Variants in SLC20A1 observed in about 807,000 individuals in gnomAD.
The protein encoded by SLC20A1 is solute carrier family 20 member 1, also known as sodium-dependent phosphate transporter 1.
SLC20A1 carries 28 observed loss-of-function variants against 62.7 expected under a neutral mutation model. That is an observed-to-expected ratio of 0.45 (90% confidence interval 0.33 to 0.61). SLC20A1 has a LOEUF of 0.61. Among genes scored for constraint, SLC20A1 ranks in the 20% least tolerant of loss-of-function variants. SLC20A1 has a pLI of 0.02. For missense variants in SLC20A1, 673 were observed against 838.6 expected (o/e 0.80, Z 2.44); for synonymous variants, 305 against 302.9 (o/e 1.01, Z -0.07).
At chr2:112,660,830 T>G (rs143923500) in intron 9 of SLC20A1, 3 of 469,656 alleles carry the variant, frequency 6.4e-6, no homozygotes, top group Non-Finnish European at 1.1e-5. Flanking sequence ...CGGATAGTTA[T>G]GTATACTTGC....
rs778228755 is a variant in SLC20A1 at position 112,646,835 on chromosome 2, A to G, written c.7A>G (p.Thr3Ala). 6 of 1,604,902 alleles carry G rather than the reference A, an allele frequency of 3.7e-6. No individual in the cohort carries two copies. Among genetic ancestry groups the G allele is most frequent in the Admixed American group, 3.4e-5 (2 of 59,142 alleles). MA[T>A]LITSTTAATA... ...ACAACCACTACTCCAGAGAATGGCA[A>G]CGCTGATTACCAGTACTACAGCTGC... Residue 3 changes from threonine to alanine, a missense_variant, in exon 2 of 11, where the codon ACG becomes GCG. By Grantham distance (58) the Thr-to-Ala change is moderately conservative. Transcript: ENST00000272542.
Position 112,647,455 on chromosome 2 carries a change from A to G in SLC20A1, c.466A>G (p.Ile156Val). Residue 156 changes from isoleucine to valine, a missense_variant, in exon 3 of 11, where the codon ATA (isoleucine) becomes GTA (valine). Physicochemically the swap from Ile to Val is conservative, Grantham distance 29 (BLOSUM62 3). Coordinates refer to ENST00000272542, the MANE Select transcript of SLC20A1 (RefSeq NM_005415.5). Reference sequence around the variant, plus strand: ...GGAGGGTGTCAAGTGGTCTGAACTGATAAAAATTGGTATGTTTAATTCCAA... The same window carrying G: ...GGAGGGTGTCAAGTGGTCTGAACTGGTAAAAATTGGTATGTTTAATTCCAA... Reference protein sequence around the residue: ...GQEGVKWSELIKIVMSWFVSP... With the variant: ...GQEGVKWSELVKIVMSWFVSP... The G allele has an allele frequency of 6.2e-7, 1 of 1,608,558 alleles. No individual in the cohort carries two copies. The highest frequency in any genetic ancestry group is 1.3e-5 in the African/African-American group (1 of 74,554).
Position 112,661,222 on chromosome 2 carries a change from G to A in SLC20A1, c.1874G>A (p.Cys625Tyr). 6.2e-7 allele frequency: 1 copy of A among 1,609,780 alleles called. No individual in the cohort carries two copies. The highest frequency in any genetic ancestry group is 8.5e-7 in the Non-Finnish European group (1 of 1,176,276). ...GGCCTTCCCATCAGTACAACACATT[G>A]TAAAGTAAGTGTAATGCCAATGTGT... ...NIGLPISTTH[C>Y]KVGSVVSVGW... The change falls in exon 10 of 11, where the codon TGT (cysteine) becomes TAT (tyrosine). Residue 625 changes from cysteine (C) to tyrosine (Y), a missense_variant. Cys to Tyr is a radical substitution (Grantham distance 194). Coordinates refer to ENST00000272542, the MANE Select transcript of SLC20A1 (RefSeq NM_005415.5).
At chr2:112,660,184 T>C (rs1258439745) in intron 8 of SLC20A1, among the ~76,000 whole-genome samples, 2 of 152,220 alleles carry the variant, frequency 1.3e-5, no homozygotes, top group Non-Finnish European at 1.5e-5. Flanking sequence ...ACCATTTGCC[T>C]GGCATTCCCT....
At chr2:112,646,256 A>G (rs1402926401) in intron 1 of SLC20A1, 127 bp downstream of exon 1, 1 of 151,178 alleles carries the variant, frequency 6.6e-6, no homozygotes, top group East Asian at 2.0e-4. Context: ...GGCCGCCTCC[A>G]CTCCGCCCGT....
At position 112,659,574 on chromosome 2, in the gene SLC20A1, C is replaced by G. The variant is rs878944586; in HGVS notation, c.1419C>G (p.Asp473Glu). ...CCAGTTACTGCAATGCTGTGTCTGA[C>G]CTTCACTCAGCATCTGAGATAGACA... Reference protein sequence around the residue: ...SYTSYCNAVSDLHSASEIDMS... With the variant: ...SYTSYCNAVSELHSASEIDMS... The change falls in exon 8 of 11, where the codon GAC becomes GAG. Residue 473 changes from aspartate (D) to glutamate (E), a missense_variant. Asp to Glu is a conservative substitution (Grantham distance 45). Transcript: ENST00000272542. The G allele has an allele frequency of 6.2e-7, 1 of 1,614,206 alleles. No individual in the cohort carries two copies. The highest frequency in any genetic ancestry group is 8.5e-7 in the Non-Finnish European group (1 of 1,180,036).
At chr2:112,647,883 T>TA in intron 4 of SLC20A1, 145 bp downstream of exon 4, 1 of 695,262 alleles carries the variant, frequency 1.4e-6, no homozygotes, top group South Asian at 1.8e-5. Flanking sequence ...GCATTTCTTG[T>TA]ATGTTGTGGA....
At chr2:112,646,164 T>C (rs1337632192) in intron 1 of SLC20A1, 35 bp downstream of exon 1, 1 of 151,740 alleles carries the variant, frequency 6.6e-6, no homozygotes, top group East Asian at 1.9e-4. Context: ...AGGCTCTTTC[T>C]TCTCCCCGGG....
At position 112,657,683 on chromosome 2, in the gene SLC20A1, A is replaced by T. The variant is rs190582985; in HGVS notation, c.778+442A>T. ...CTTCTGTGTATAACTTCAGATTCAGACAAGCAAAGCTAAGTCTAATGTGTA... is the reference window on the plus strand; with the variant it reads ...CTTCTGTGTATAACTTCAGATTCAGTCAAGCAAAGCTAAGTCTAATGTGTA... On this transcript the variant is annotated intron_variant, in intron 6 of 10. Coordinates refer to ENST00000272542, the MANE Select transcript of SLC20A1 (RefSeq NM_005415.5). 6.6e-5 allele frequency among the ~76,000 whole-genome samples: 10 copies of T among 152,374 alleles called. No homozygotes were observed. In the East Asian group the frequency reaches 1.5e-3, roughly 24 times the overall value.
intron 4 of SLC20A1, among the ~76,000 whole-genome samples, chr2:112,648,918 T>G (rs1288048085): frequency 6.6e-6 from 1 of 151,998 alleles, no homozygotes; most frequent in Non-Finnish European, 1.5e-5. Context: ...GATTTTTTTG[T>G]TTTTTTTAGA....
intron 5 of SLC20A1, 53 bp from the exon 6 acceptor site, chr2:112,657,069 T>C (rs766512297): frequency 3.7e-6 from 6 of 1,611,672 alleles, no homozygotes; most frequent in Non-Finnish European, 2.5e-6. Flanking sequence ...TTACACAATA[T>C]TGCAGGGGGC....
rs1158040820 is a variant in SLC20A1, at chr2:112,663,011, A to G, written c.2026A>G (p.Ile676Val). ...AAIMAIFRYV[I>V]LRM Reference sequence around the variant, plus strand: ...CATCATGGCAATCTTCAGATATGTCATCCTCAGAATGTGAAGCTGTTTGAG... The same window carrying G: ...CATCATGGCAATCTTCAGATATGTCGTCCTCAGAATGTGAAGCTGTTTGAG... The change falls in exon 11 of 11, where the codon ATC (isoleucine) becomes GTC (valine). Residue 676 changes from isoleucine (I) to valine (V), a missense_variant. By Grantham distance (29) the Ile-to-Val change is conservative. Transcript: ENST00000272542. 3.7e-6 allele frequency: 6 copies of G among 1,614,114 alleles called. No homozygotes were observed. The highest frequency in any genetic ancestry group is 1.6e-4 in the Middle Eastern group (1 of 6,062).
At chr2:112,657,289 T>C in intron 6 of SLC20A1, 48 bp downstream of exon 6, 1 of 1,552,792 alleles carries the variant, frequency 6.4e-7, no homozygotes, top group Non-Finnish European at 8.7e-7. Context: ...AATGTTGTGT[T>C]TATTTTTTAT....
At chr2:112,662,787 A>G in intron 10 of SLC20A1, 77 bp from the exon 11 acceptor site, 1 of 1,483,662 alleles carries the variant, frequency 6.7e-7, no homozygotes, top group Non-Finnish European at 9.2e-7. Flanking sequence ...TCCTTGTCCA[A>G]ACAGTCTCAG....
Position 112,663,285 on chromosome 2 carries a change from A to G in SLC20A1, c.*260A>G, listed in dbSNP as rs1053089648. ...TTCTGGGCTGTGAATTCCTGTACAT[A>G]TTTCTCTACTTTTTGTATCAGGCTT... On this transcript the variant is annotated 3_prime_UTR_variant, in exon 11 of 11. Transcript: ENST00000272542. The G allele has an allele frequency of 2.2e-5, 11 of 498,138 alleles. No individual in the cohort carries two copies. In the Admixed American group the frequency reaches 3.4e-4, roughly 15 times the overall value. 30.9% of individuals were successfully genotyped at this position (498,138 alleles called of 1,614,324 possible).
At chr2:112,646,392 C>T (rs1686276746) in intron 1 of SLC20A1, among the ~76,000 whole-genome samples, 171 bp from the exon 2 acceptor site, 1 of 151,972 alleles carries the variant, frequency 6.6e-6, no homozygotes, top group Non-Finnish European at 1.5e-5. Flanking sequence ...GCGCGCGGGC[C>T]GCGGAGGACC....
Position 112,647,674 on chromosome 2 carries a change from C to A in SLC20A1, c.497C>A (p.Pro166Gln), listed in dbSNP as rs774792166. Residue 166 changes from proline to glutamine, a missense_variant, in exon 4 of 11, where the codon CCA (proline) becomes CAA (glutamine). Physicochemically the swap from Pro to Gln is moderately conservative, Grantham distance 76. Transcript: ENST00000272542. Reference sequence around the variant, plus strand: ...CCAGTGATGTCTTGGTTCGTGTCCCCACTGCTTTCTGGAATTATGTCTGGA... The same window carrying A: ...CCAGTGATGTCTTGGTTCGTGTCCCAACTGCTTTCTGGAATTATGTCTGGA... ...IKIVMSWFVS[P>Q]LLSGIMSGIL... 2.5e-6 allele frequency: 4 copies of A among 1,613,806 alleles called. No homozygotes were observed. Among genetic ancestry groups the A allele is most frequent in the Non-Finnish European group, 3.4e-6 (4 of 1,179,766 alleles).
chr2:112,659,198 G>C lies in SLC20A1; in HGVS notation c.1049-6G>C. On this transcript the variant is annotated splice_polypyrimidine_tract_variant and splice_region_variant and intron_variant, in intron 7 of 10. Transcript: ENST00000272542. Reference sequence around the variant, plus strand: ...TATTGAATGTCACCTTGGTGATCTTGACTAGGTGCAGTGCAGTTGCCTAAT... The same window carrying C: ...TATTGAATGTCACCTTGGTGATCTTCACTAGGTGCAGTGCAGTTGCCTAAT... 3 of 1,609,456 alleles carry C rather than the reference G, an allele frequency of 1.9e-6. No homozygotes were observed. The highest frequency in any genetic ancestry group is 2.6e-6 in the Non-Finnish European group (3 of 1,176,356).
In SLC20A1 at chr2:112,663,674, T is replaced by C. The variant is rs1686809744; in HGVS notation, c.*649T>C. ...GAAGAAGTAAGAAAGAAAAAGCCTG[T>C]TGGCAATCTTGGTTATTTCTTTAAG... On this transcript the variant is annotated 3_prime_UTR_variant, in exon 11 of 11. Transcript: ENST00000272542. 1 of 154,250 alleles carries C rather than the reference T, an allele frequency of 6.5e-6. No individual in the cohort carries two copies. The highest frequency in any genetic ancestry group is 2.4e-5 in the African/African-American group (1 of 41,452). 9.6% of individuals were successfully genotyped at this position (154,250 alleles called of 1,614,324 possible).
Sources: gnomAD v4.1 joint callset for allele counts (sites outside exome capture counted in the v4.1 genomes callset) on GRCh38, gnomAD v4.1.1 for gene constraint, MANE v1.5 for transcripts, NCBI Gene and HGNC (gene_info 2026-07-23, HGNC 2026-07-21) for gene names.